The following GRM5 variants were observed in gnomAD, a reference collection of about 807,000 sequenced individuals.
The protein encoded by GRM5 is glutamate metabotropic receptor 5.
In GRM5, 19 loss-of-function variants were observed where a neutral mutation model predicts 83.1. The observed-to-expected ratio is 0.23, with a 90% CI of 0.16 to 0.34. The LOEUF (loss-of-function observed/expected upper bound fraction) is 0.34. Ranked by LOEUF, GRM5 falls within the 10% of genes least tolerant of loss-of-function variation. The probability of loss-of-function intolerance (pLI) is 1.00; values close to 1 mark genes in which losing one functional copy is unlikely to be tolerated. For missense variants in GRM5, 1,160 were observed against 1,588.3 expected (o/e 0.73, Z 4.58); for synonymous variants, 675 against 633.6 (o/e 1.07, Z -0.98).
At chr11:88,876,766 C>T (rs1483404225) in intron 2 of GRM5, among the ~76,000 whole-genome samples, 2 of 152,002 alleles carry the variant, frequency 1.3e-5, no homozygotes, top group Non-Finnish European at 2.9e-5. Flanking sequence ...ATTGGTGGAG[C>T]AGTCAGAACA....
chr11:88,930,974 C>T (rs1345938843), intron 2 of GRM5, among the ~76,000 whole-genome samples: 13 of 151,870 alleles, frequency 8.6e-5, no homozygotes, highest in Admixed American at 8.5e-4. Flanking sequence ...ATTGTAGTTG[C>T]TGATTTTATT....
At chr11:88,687,525 C>CACACAT in intron 3 of GRM5, among the ~76,000 whole-genome samples, 1 of 26,156 alleles carries the variant, frequency 3.8e-5, no homozygotes, top group East Asian at 1.4e-3. Context: ...CACACACACA[C>CACACAT]ATACATATAT....
At chr11:88,627,643 C>A (rs1307906221) in intron 4 of GRM5, among the ~76,000 whole-genome samples, 1 of 152,094 alleles carries the variant, frequency 6.6e-6, no homozygotes, top group African/African-American at 2.4e-5. Flanking sequence ...TCTCTACTTG[C>A]AAAATTTTCT....
chr11:88,784,131 C>A lies in GRM5; in HGVS notation c.911+65775G>T, dbSNP rs1943023672. On this transcript the variant is annotated intron_variant, in intron 3 of 9. Coordinates refer to ENST00000305447, the MANE Select transcript of GRM5 (RefSeq NM_001143831.3). Reference sequence around the variant, plus strand: ...TTCCATATTCTGTCCTCTAGGAAATCTTTTAGTAGCAGGTAGGTTAGAAAA... The same window carrying A: ...TTCCATATTCTGTCCTCTAGGAAATATTTTAGTAGCAGGTAGGTTAGAAAA... Among the ~76,000 whole-genome samples the A allele has an allele frequency of 2.0e-5, 3 of 152,008 alleles. No individual in the cohort carries two copies. In the South Asian group the frequency reaches 6.2e-4, roughly 31 times the overall value.
At chr11:88,524,781 C>A (rs977872658) in intron 9 of GRM5, among the ~76,000 whole-genome samples, 1 of 152,186 alleles carries the variant, frequency 6.6e-6, no homozygotes, top group African/African-American at 2.4e-5. Context: ...CCACTTGTCT[C>A]TACAGTCCAC....
chr11:89,020,935 C>T (rs1374256206), intron 2 of GRM5, among the ~76,000 whole-genome samples: 1 of 152,118 alleles, frequency 6.6e-6, no homozygotes, highest in Non-Finnish European at 1.5e-5. Context: ...AATTAGGGCT[C>T]AAATCCAGGA....
At chr11:88,832,028 G>C (rs1335764865) in intron 3 of GRM5, among the ~76,000 whole-genome samples, 1 of 152,148 alleles carries the variant, frequency 6.6e-6, no homozygotes, top group Non-Finnish European at 1.5e-5. Context: ...CCTGTCTCCA[G>C]CAAAACATCA....
chr11:88,934,490 A>G (rs1001599112), intron 2 of GRM5, among the ~76,000 whole-genome samples: 5 of 151,848 alleles, frequency 3.3e-5, no homozygotes, highest in African/African-American at 1.2e-4. Context: ...ATGCTGAAAT[A>G]AAAAATTTGA....
chr11:89,011,750 C>T (rs1008565207), intron 2 of GRM5, among the ~76,000 whole-genome samples: 1 of 152,156 alleles, frequency 6.6e-6, no homozygotes, highest in African/African-American at 2.4e-5. Context: ...AGGGGCCAGA[C>T]AGTCTGCTAA....
intron 3 of GRM5, among the ~76,000 whole-genome samples, chr11:88,836,841 C>CA (rs1020096821): frequency 6.6e-6 from 1 of 151,824 alleles, no homozygotes; most frequent in Non-Finnish European, 1.5e-5. Context: ...AACAAACAAA[C>CA]AAAAAAACAA....
Position 88,509,259 on chromosome 11 carries a change from T to C in GRM5, c.2972A>G (p.Glu991Gly). The change falls in exon 10 of 10, where the codon GAG becomes GGG. Residue 991 changes from glutamate to glycine, a missense_variant. Glu to Gly is a moderately conservative substitution (Grantham distance 98). This residue lies in a region of GRM5 where 562 missense variants were observed against 532.4 expected (regional missense o/e 1.06). Transcript: ENST00000305447. The part of the protein sequence containing the change: ...GCAGAGPGGP[E>G]SPDAGPKALY... ...CGCCTTGGGGCCGGCGTCTGGGGAC[T>C]CGGGCCCGCCTGGGCCGGCGCCTGC... 1.3e-6 allele frequency: 2 copies of C among 1,486,030 alleles called. 1 individual carries two copies. Among genetic ancestry groups the C allele is most frequent in the South Asian group, 2.6e-5 (2 of 77,718 alleles). 92.1% of individuals were successfully genotyped at this position (1,486,030 alleles called of 1,614,324 possible).
At chr11:88,722,883 AGTTT>A (rs1273545694) in intron 3 of GRM5, among the ~76,000 whole-genome samples, 1 of 147,592 alleles carries the variant, frequency 6.8e-6, no homozygotes, top group African/African-American at 2.7e-5. Flanking sequence ...TGAAGTCTAT[AGTTT>A]ACTTTAGGGT....
chr11:88,877,046 G>A (rs893819072), intron 2 of GRM5, among the ~76,000 whole-genome samples: 1 of 152,000 alleles, frequency 6.6e-6, no homozygotes, highest in Admixed American at 6.6e-5. Flanking sequence ...GTAGGATAGT[G>A]GTTACCAGAT....
chr11:88,835,203 T>G, intron 3 of GRM5, among the ~76,000 whole-genome samples: 1 of 152,196 alleles, frequency 6.6e-6, no homozygotes, highest in Non-Finnish European at 1.5e-5. Context: ...TGCCTGGAAA[T>G]GTCTTACGTG....
intron 2 of GRM5, among the ~76,000 whole-genome samples, chr11:89,024,187 T>C (rs1435181653): frequency 6.6e-6 from 1 of 152,174 alleles, no homozygotes; most frequent in East Asian, 1.9e-4. Context: ...GCACTCCAGC[T>C]TGGAGGACAG....
At chr11:89,050,724 T>C (rs372529401) in intron 1 of GRM5, among the ~76,000 whole-genome samples, 7 of 152,314 alleles carry the variant, frequency 4.6e-5, no homozygotes, top group South Asian at 4.1e-4. Flanking sequence ...CCATCAGTGA[T>C]AGACTGGATA....
intron 2 of GRM5, among the ~76,000 whole-genome samples, chr11:88,935,353 G>GTT (rs1050144584): frequency 2.6e-5 from 4 of 151,884 alleles, no homozygotes; most frequent in Admixed American, 2.0e-4. Context: ...GTGTGTATGT[G>GTT]TGTGTGTGTA....
chr11:88,802,904 G>A (rs1243970244), intron 3 of GRM5, among the ~76,000 whole-genome samples: 1 of 151,370 alleles, frequency 6.6e-6, no homozygotes, highest in Non-Finnish European at 1.5e-5. Flanking sequence ...GACAAACAGA[G>A]AGCCAAATCA....
At chr11:88,748,810 C>T (rs1942199056) in intron 3 of GRM5, among the ~76,000 whole-genome samples, 1 of 152,114 alleles carries the variant, frequency 6.6e-6, no homozygotes. Context: ...ACTGAGGCAA[C>T]TGGGTTCTGG....
Sources: allele counts gnomAD v4.1 joint callset (sites outside exome capture counted in the v4.1 genomes callset), GRCh38; gene constraint gnomAD v4.1.1; regional missense constraint gnomAD v4.1.1; transcripts MANE v1.5; gene names NCBI Gene and HGNC (gene_info 2026-07-23, HGNC 2026-07-21).